The following VPS41 variants were observed in gnomAD, a reference collection of about 807,000 sequenced individuals.
VPS41 encodes VPS41 subunit of HOPS complex, also known as vacuolar protein sorting-associated protein 41 homolog.
Under a neutral mutation model 130.9 loss-of-function variants are expected in VPS41, and 85 were observed. The ratio of observed to expected loss-of-function variants is 0.65; its 90% CI spans 0.55 to 0.78. The LOEUF (loss-of-function observed/expected upper bound fraction) is 0.78. Ranked by LOEUF, VPS41 falls within the 30% of genes least tolerant of loss-of-function variation. The pLI, the probability that VPS41 is intolerant of heterozygous loss-of-function variation, is 0.00. For missense variants in VPS41, 874 were observed against 1,018.7 expected (o/e 0.86, Z 1.93); for synonymous variants, 335 against 332.9 (o/e 1.01, Z -0.07).
chr7:38,885,548 G>C (rs1584445365), intron 2 of VPS41, among the ~76,000 whole-genome samples: 1 of 152,140 alleles, frequency 6.6e-6, no homozygotes, highest in East Asian at 1.9e-4. Flanking sequence ...TTTTGGAACT[G>C]TTTGTTACTT....
chr7:38,743,144 T>C (rs1330099973), intron 24 of VPS41, among the ~76,000 whole-genome samples: 1 of 152,150 alleles, frequency 6.6e-6, no homozygotes, highest in African/African-American at 2.4e-5. Context: ...GGTAAAAATA[T>C]GCCTCATGGG....
Position 38,728,691 on chromosome 7 carries a change from C to T in VPS41, c.2359+1G>A. 1 of 1,614,106 alleles carries T rather than the reference C, an allele frequency of 6.2e-7. No homozygotes were observed. Among genetic ancestry groups the T allele is most frequent in the African/African-American group, 1.3e-5 (1 of 75,050 alleles). On this transcript the variant is annotated splice_donor_variant, in intron 26 of 28. Transcript: ENST00000310301. LOFTEE classifies it high-confidence loss of function. The stretch of plus-strand genomic sequence containing the variant: ...CATATGATTATTTCAATTTTACCCA[C>T]CATCAACAAGAACACCTTTCATTTG...
Position 38,724,599 on chromosome 7 carries a change from C to CTTTTTTTTTTTTTTTTT in VPS41, c.*1646_*1647insAAAAAAAAAAAAAAAAA, listed in dbSNP as rs151106962. The CTTTTTTTTTTTTTTTTT allele has an allele frequency of 8.3e-6, 1 of 120,134 alleles. No homozygotes were observed. Among genetic ancestry groups the CTTTTTTTTTTTTTTTTT allele is most frequent in the African/African-American group, 3.5e-5 (1 of 28,466 alleles). 7.4% of individuals were successfully genotyped at this position (120,134 alleles called of 1,614,324 possible). Reference sequence around the variant, plus strand: ...TTGGCCCTATGATTTCTTTTCTTTTCTTTTCTTTTTTGAGACGGAGTTTTG... The same window carrying CTTTTTTTTTTTTTTTTT: ...TTGGCCCTATGATTTCTTTTCTTTTCTTTTTTTTTTTTTTTTTTTTTCTTTTTTGAGACGGAGTTTTG... On this transcript the variant is annotated 3_prime_UTR_variant, in exon 29 of 29. Transcript: ENST00000310301.
At position 38,765,627 on chromosome 7, in the gene VPS41, G is replaced by A; in HGVS notation, c.1282C>T (p.Leu428Phe). ...CQKILGKNAALWEYEVYKFKE... is the reference protein window; with the variant it reads ...CQKILGKNAAFWEYEVYKFKE... ...AATTTATAAACTTCATATTCCCAGAGTGCTGCATTTTTCCCAAGAATTTTC... is the reference window on the plus strand; with the variant it reads ...AATTTATAAACTTCATATTCCCAGAATGCTGCATTTTTCCCAAGAATTTTC... The change falls in exon 16 of 29, where the codon CTC (leucine) becomes TTC (phenylalanine). Residue 428 changes from leucine to phenylalanine, a missense_variant. Coordinates refer to ENST00000310301, the MANE Select transcript of VPS41 (RefSeq NM_014396.4). 1 of 1,604,444 alleles carries A rather than the reference G, an allele frequency of 6.2e-7. No individual in the cohort carries two copies. The highest frequency in any genetic ancestry group is 8.5e-7 in the Non-Finnish European group (1 of 1,177,604).
At chr7:38,749,820 T>A (rs947297410) in intron 22 of VPS41, among the ~76,000 whole-genome samples, 3 of 152,210 alleles carry the variant, frequency 2.0e-5, no homozygotes, top group Non-Finnish European at 4.4e-5. Context: ...ATAAAAGGGA[T>A]TTGTTTCTAA....
intron 18 of VPS41, 38 bp downstream of exon 18, chr7:38,758,316 A>G (rs776136984): frequency 1.3e-6 from 2 of 1,568,982 alleles, no homozygotes; most frequent in Non-Finnish European, 1.7e-6. Context: ...TTTTCAACAC[A>G]GACTGATATG....
At position 38,758,470 on chromosome 7, in the gene VPS41, T is replaced by C. The variant is rs913235964; in HGVS notation, c.1434A>G (p.Thr478=). Residue 478 remains threonine (T), a synonymous_variant, in exon 18 of 29, where the codon ACA becomes ACG. Coordinates refer to ENST00000310301, the MANE Select transcript of VPS41 (RefSeq NM_014396.4). ...FLESDYEGFA[T]LIREWPGDLY... ...GATCTCCAGGCCATTCTCGGATCAA[T>C]GTGGCAAAACCCTAACCAAAGGTGA... 1.2e-6 allele frequency: 2 copies of C among 1,612,502 alleles called. No individual in the cohort carries two copies. The highest frequency in any genetic ancestry group is 2.2e-5 in the East Asian group (1 of 44,812).
intron 5 of VPS41, among the ~76,000 whole-genome samples, chr7:38,825,007 T>C (rs1485550204): frequency 1.3e-5 from 2 of 152,110 alleles, no homozygotes; most frequent in Non-Finnish European, 2.9e-5. Flanking sequence ...AAAATGCATA[T>C]TGAAGGCATA....
At chr7:38,836,803 T>G (rs995474038) in intron 4 of VPS41, among the ~76,000 whole-genome samples, 7 of 152,150 alleles carry the variant, frequency 4.6e-5, no homozygotes, top group Non-Finnish European at 8.8e-5. Flanking sequence ...AAATAGTAGT[T>G]TTGGCAAAGA....
chr7:38,873,060 G>A (rs1307564954), intron 2 of VPS41, among the ~76,000 whole-genome samples: 1 of 152,100 alleles, frequency 6.6e-6, no homozygotes, highest in Non-Finnish European at 1.5e-5. Flanking sequence ...TGTAAATAAG[G>A]TTTCCCTGTC....
chr7:38,784,251 G>A (rs1784399821), intron 10 of VPS41, among the ~76,000 whole-genome samples: 1 of 152,138 alleles, frequency 6.6e-6, no homozygotes, highest in Non-Finnish European at 1.5e-5. Context: ...AGGCTCAGAG[G>A]GGTTAAGTAA....
chr7:38,767,830 A>T (rs1287532389), intron 14 of VPS41, among the ~76,000 whole-genome samples: 1 of 152,194 alleles, frequency 6.6e-6, no homozygotes, highest in Non-Finnish European at 1.5e-5. Context: ...CATTAAAAAA[A>T]GTAAATAATG....
chr7:38,799,140 C>T (rs1385866283), intron 7 of VPS41, among the ~76,000 whole-genome samples: 1 of 152,050 alleles, frequency 6.6e-6, no homozygotes, highest in Non-Finnish European at 1.5e-5. Flanking sequence ...AAGGCAGGCA[C>T]CTATGGAAAA....
At chr7:38,893,975 T>C (rs1786922718) in intron 2 of VPS41, among the ~76,000 whole-genome samples, 1 of 152,122 alleles carries the variant, frequency 6.6e-6, no homozygotes, top group South Asian at 2.1e-4. Context: ...TGATATAATA[T>C]AAAAGCACAG....
intron 7 of VPS41, among the ~76,000 whole-genome samples, chr7:38,817,398 G>T (rs1300906855): frequency 6.6e-6 from 1 of 152,148 alleles, no homozygotes; most frequent in East Asian, 1.9e-4. Flanking sequence ...GAGGTCAAGA[G>T]TTCAAGACCA....
intron 6 of VPS41, among the ~76,000 whole-genome samples, chr7:38,820,509 G>A (rs572695715): frequency 6.6e-6 from 1 of 152,144 alleles, no homozygotes; most frequent in South Asian, 2.1e-4. Context: ...AATCAATACT[G>A]TATACAGTCA....
intron 2 of VPS41, among the ~76,000 whole-genome samples, chr7:38,870,756 A>AG (rs1274199277): frequency 2.1e-5 from 3 of 143,780 alleles, no homozygotes; most frequent in African/African-American, 7.4e-5. Context: ...AAAAAAAAAA[A>AG]AAAAAAAACA....
Position 38,796,790 on chromosome 7 carries a change from CCTT to C in VPS41, c.522_524del (p.Ile174_Arg175delinsMet). The C allele has an allele frequency of 6.2e-7, 1 of 1,613,994 alleles. No homozygotes were observed. Among genetic ancestry groups the C allele is most frequent in the South Asian group, 1.1e-5 (1 of 91,080 alleles). On this transcript the variant is annotated inframe_deletion, in exon 8 of 29. Transcript: ENST00000310301. ...TCAGATGGCCTCTCCACTTCACACT[CCTT>C]ATGTTCCCTTCCCCTTCATGCAGAA...
At chr7:38,804,331 C>CCCATCCT (rs954797449) in intron 7 of VPS41, among the ~76,000 whole-genome samples, 1 of 152,180 alleles carries the variant, frequency 6.6e-6, no homozygotes, top group Admixed American at 6.5e-5. Flanking sequence ...TCTCCCTTCT[C>CCCATCCT]CCATCCTCCA....
Sources: gnomAD v4.1 joint callset for allele counts (sites outside exome capture counted in the v4.1 genomes callset) on GRCh38, gnomAD v4.1.1 for gene constraint, MANE v1.5 for transcripts, NCBI Gene and HGNC (gene_info 2026-07-23, HGNC 2026-07-21) for gene names.